KIAA1671: variants seen among roughly 807,000 people sequenced by gnomAD.
KIAA1671 encodes uncharacterized protein KIAA1671.
In KIAA1671, 52 loss-of-function variants were observed where a neutral mutation model predicts 131.2. That is an observed-to-expected ratio of 0.40 (90% CI 0.32 to 0.50). The LOEUF is 0.50. Among genes scored for constraint, KIAA1671 ranks in the 20% least tolerant of loss-of-function variants. KIAA1671 has a pLI of 0.73. For missense variants in KIAA1671, 2,360 were observed against 2,364.2 expected (o/e 1.00, Z 0.04); for synonymous variants, 1,003 against 961.6 (o/e 1.04, Z -0.80).
At chr22:25,064,688 G>C (rs1157976396) in intron 6 of KIAA1671, 1 of 152,264 alleles carries the variant, frequency 6.6e-6, no homozygotes, top group Non-Finnish European at 1.5e-5. Context: ...ATGGGCACAT[G>C]TCTGGCTTCC....
chr22:25,193,025 T>C lies in KIAA1671; in HGVS notation c.*624T>C, dbSNP rs184423639. 57 of 152,332 alleles carry C rather than the reference T, an allele frequency of 3.7e-4. No homozygotes were observed. Among genetic ancestry groups the C allele is most frequent in the African/African-American group, 1.3e-3 (54 of 41,582 alleles). The allele number at this position is 152,332 out of a possible 1,614,324, so 9.4% of individuals were successfully genotyped here. Reference sequence around the variant, plus strand: ...TGTGTATTTCTCTTTCTAGTGGGGCTGTGTGCATCGTTGGCCTATGTTATT... The same window carrying C: ...TGTGTATTTCTCTTTCTAGTGGGGCCGTGTGCATCGTTGGCCTATGTTATT... On this transcript the variant is annotated 3_prime_UTR_variant, in exon 13 of 13. Transcript: ENST00000358431.
At chr22:25,119,320 T>G (rs1441746612) in intron 6 of KIAA1671, among the ~76,000 whole-genome samples, 2 of 152,160 alleles carry the variant, frequency 1.3e-5, no homozygotes, top group African/African-American at 4.8e-5. Flanking sequence ...TCACCCTGAA[T>G]GCTCCCAGTC....
rs143360815 is a variant in KIAA1671, at chr22:25,112,096, C to T, written c.4531-58724C>T. 183 of 398,134 alleles carry T rather than the reference C, an allele frequency of 4.6e-4. No homozygotes were observed. The Middle Eastern group carries it at 6.3e-3, about 14-fold the overall frequency. 24.7% of individuals were successfully genotyped at this position (398,134 alleles called of 1,614,324 possible). A position where few individuals can be genotyped will look rare whatever the true frequency, so the allele number is the denominator to read the frequency against. On this transcript the variant is annotated intron_variant, in intron 6 of 12. Transcript: ENST00000358431. ...CCAAAACTTCCATGAGCAAAAGAGT[C>T]CAAAGAGGCAAGAGGACACTGGCGT...
At chr22:24,999,558 T>C (rs1439015899) in intron 1 of KIAA1671, among the ~76,000 whole-genome samples, 1 of 144,682 alleles carries the variant, frequency 6.9e-6, no homozygotes, top group African/African-American at 2.6e-5. Flanking sequence ...TTTATGTGCT[T>C]TGGTTTTGTT....
chr22:25,081,926 T>G (rs992728825), intron 6 of KIAA1671, among the ~76,000 whole-genome samples: 6 of 152,050 alleles, frequency 3.9e-5, no homozygotes, highest in South Asian at 2.1e-4. Context: ...CCCCGCTGGG[T>G]AGTGCATGTC....
At chr22:25,119,452 T>G in intron 6 of KIAA1671, among the ~76,000 whole-genome samples, 1 of 152,196 alleles carries the variant, frequency 6.6e-6, no homozygotes. Context: ...ATTCATTCAT[T>G]AGGAATTTTT....
At chr22:25,116,927 A>G (rs1422369748) in intron 6 of KIAA1671, among the ~76,000 whole-genome samples, 2 of 152,136 alleles carry the variant, frequency 1.3e-5, no homozygotes, top group African/African-American at 4.8e-5. Context: ...ACCTCAAACT[A>G]TTGCTGTATA....
intron 11 of KIAA1671, among the ~76,000 whole-genome samples, chr22:25,188,161 T>C (rs559252916): frequency 6.6e-6 from 1 of 152,052 alleles, no homozygotes; most frequent in Admixed American, 6.5e-5. Flanking sequence ...ATTAGCCGGA[T>C]GTGGTGGCGG....
At chr22:25,156,001 G>A (rs1057050260) in intron 6 of KIAA1671, among the ~76,000 whole-genome samples, 2 of 122,344 alleles carry the variant, frequency 1.6e-5, no homozygotes, top group Non-Finnish European at 3.4e-5. Context: ...GTGCATGTAT[G>A]TGTGTATGTG....
chr22:25,054,230 A>T (rs2145826362), intron 6 of KIAA1671: 1 of 149,040 alleles, frequency 6.7e-6, no homozygotes, highest in Admixed American at 6.6e-5. Context: ...CAGCGTGGGT[A>T]ACAGAGTGAG....
intron 1 of KIAA1671, among the ~76,000 whole-genome samples, chr22:24,954,666 A>T (rs1921593646): frequency 6.6e-6 from 1 of 152,114 alleles, no homozygotes; most frequent in Admixed American, 6.5e-5. Context: ...GCAGTCTAGT[A>T]CTGATTCTTG....
At chr22:25,134,683 G>C (rs1192263540) in intron 6 of KIAA1671, among the ~76,000 whole-genome samples, 1 of 152,116 alleles carries the variant, frequency 6.6e-6, no homozygotes, top group Admixed American at 6.5e-5. Context: ...GCTCAGGAGA[G>C]CAGCAGCCTA....
chr22:25,053,057 A>G (rs1036695139), intron 6 of KIAA1671: 58 of 152,032 alleles, frequency 3.8e-4, no homozygotes, highest in African/African-American at 1.4e-3. Context: ...TTTTTTTTCT[A>G]TGCTCTCCCA....
chr22:25,024,870 A>G (rs1276647082), intron 1 of KIAA1671, among the ~76,000 whole-genome samples: 2 of 148,242 alleles, frequency 1.3e-5, no homozygotes, highest in Admixed American at 6.7e-5. Flanking sequence ...CAGTGTAGCT[A>G]TGCTAAGTCC....
chr22:25,014,594 C>T (rs1027019311), intron 1 of KIAA1671: 3 of 152,034 alleles, frequency 2.0e-5, no homozygotes, highest in Non-Finnish European at 4.4e-5. Flanking sequence ...TCTTTCATAA[C>T]GAATCTTGCT....
chr22:25,134,438 A>G (rs949202903), intron 6 of KIAA1671, among the ~76,000 whole-genome samples: 2 of 152,134 alleles, frequency 1.3e-5, no homozygotes, highest in African/African-American at 4.8e-5. Flanking sequence ...CATGTGATGC[A>G]TACGGTTTTT....
chr22:25,163,673 C>G (rs967279076), intron 6 of KIAA1671, among the ~76,000 whole-genome samples: 6 of 151,600 alleles, frequency 4.0e-5, no homozygotes, highest in Non-Finnish European at 8.8e-5. Flanking sequence ...ATCTCTTGAC[C>G]TTGTGATGCC....
chr22:24,973,971 C>G (rs909524685), intron 1 of KIAA1671, among the ~76,000 whole-genome samples: 2 of 151,386 alleles, frequency 1.3e-5, no homozygotes, highest in Non-Finnish European at 2.9e-5. Flanking sequence ...CGTGTAGACC[C>G]GGGCCTGGCT....
At chr22:24,960,287 G>A (rs931281181) in intron 1 of KIAA1671, among the ~76,000 whole-genome samples, 14 of 150,506 alleles carry the variant, frequency 9.3e-5, no homozygotes, top group African/African-American at 2.9e-4. Context: ...GTGGTGGCTC[G>A]GGCCTGTAAT....
Sources: allele counts gnomAD v4.1 joint callset (sites outside exome capture counted in the v4.1 genomes callset), GRCh38; gene constraint gnomAD v4.1.1; transcripts MANE v1.5; gene names NCBI Gene and HGNC (gene_info 2026-07-23, HGNC 2026-07-21).